Variants in ARSF observed in about 807,000 individuals in gnomAD.
The protein encoded by ARSF is arylsulfatase F.
ARSF carries 33 observed loss-of-function variants against 35.4 expected under a neutral mutation model. The ratio of observed to expected loss-of-function variants is 0.93; its 90% CI spans 0.71 to 1.25. The LOEUF (loss-of-function observed/expected upper bound fraction) is 1.25. ARSF is among the 50% of genes most tolerant of loss of function. ARSF has a pLI of 0.00. For missense variants in ARSF, 501 were observed against 480.2 expected, an observed-to-expected ratio of 1.04 and a Z score of -0.40; for synonymous variants, 222 against 193.1, an observed-to-expected ratio of 1.15 and a Z score of -1.24.
intron 1 of ARSF, among the ~76,000 whole-genome samples, chrX:3,062,629 C>T (rs1267008667): frequency 2.7e-5 from 3 of 111,446 alleles, no homozygotes; most frequent in Non-Finnish European, 3.8e-5. Context: ...GATATCACCA[C>T]CAATCCCACA....
At chrX:3,082,128 G>A (rs1338127972) in intron 5 of ARSF, among the ~76,000 whole-genome samples, 3 of 111,341 alleles carry the variant, frequency 2.7e-5, no homozygotes, top group East Asian at 5.6e-4. Context: ...GCCTCTGAGG[G>A]TTTGCTGATC....
At chrX:3,085,451 G>C (rs191167731) in intron 6 of ARSF, among the ~76,000 whole-genome samples, 1 of 108,463 alleles carries the variant, frequency 9.2e-6, no homozygotes, top group African/African-American at 3.3e-5. Flanking sequence ...AAAGCTACTT[G>C]GGGAAATTAA....
intron 1 of ARSF, among the ~76,000 whole-genome samples, chrX:3,065,980 T>G (rs2090064199): frequency 9.0e-6 from 1 of 110,834 alleles, no homozygotes; most frequent in Non-Finnish European, 1.9e-5. Context: ...GTCCCAGCTA[T>G]TCGGGAGGCT....
chrX:3,048,270 C>T (rs998190004), intron 1 of ARSF, among the ~76,000 whole-genome samples: 4 of 112,254 alleles, frequency 3.6e-5, no homozygotes, highest in Non-Finnish European at 7.5e-5. Context: ...GTCAGGCAAG[C>T]CTGCCTCCCA....
intron 5 of ARSF, among the ~76,000 whole-genome samples, chrX:3,081,960 G>A (rs925459619): frequency 2.7e-5 from 3 of 111,426 alleles, no homozygotes; most frequent in African/African-American, 9.8e-5. Flanking sequence ...GGCAATCTCC[G>A]TGGGGTTGCA....
rs59970577 is a variant in ARSF, at chrX:3,043,584, C to T, written c.-29+1921C>T. ...TTCCACTTCTGCTGCATCCTGCTTG[C>T]CTCAGAGCTTTCCCTCTTTTGAAAA... On this transcript the variant is annotated intron_variant, in intron 1 of 10. Transcript: ENST00000381127. 1.6e-3 allele frequency among the ~76,000 whole-genome samples: 174 copies of T among 111,335 alleles called. 1 individual carries two copies. The highest frequency in any genetic ancestry group is 5.0e-3 in the African/African-American group (154 of 30,672).
At chrX:3,044,112 G>A (rs905409395) in intron 1 of ARSF, among the ~76,000 whole-genome samples, 14 of 111,732 alleles carry the variant, frequency 1.3e-4, no homozygotes, top group African/African-American at 4.6e-4. Context: ...TATCTGTCAT[G>A]AGGAAGTAAT....
chrX:3,079,970 CAAAAA>C (rs1224175073), intron 4 of ARSF, among the ~76,000 whole-genome samples: 1 of 28,408 alleles, frequency 3.5e-5, no homozygotes, highest in Non-Finnish European at 5.6e-5. Context: ...ACAACAACAA[CAAAAA>C]AAAAAAAAAA....
intron 1 of ARSF, among the ~76,000 whole-genome samples, chrX:3,063,572 A>T (rs1288364793): frequency 1.8e-5 from 2 of 111,878 alleles, no homozygotes; most frequent in African/African-American, 6.5e-5. Context: ...TCTCAGCCCA[A>T]AATCTCCTTA....
intron 1 of ARSF, among the ~76,000 whole-genome samples, chrX:3,054,425 C>A (rs2090009333): frequency 9.0e-6 from 1 of 110,694 alleles, no homozygotes; most frequent in South Asian, 3.8e-4. Context: ...AAATTTGCAG[C>A]CTACAATCAG....
chrX:3,112,054 A>G, intron 10 of ARSF, 120 bp from the exon 11 acceptor site: 2 of 540,892 alleles, frequency 3.7e-6, no homozygotes, highest in Non-Finnish European at 6.0e-6. Flanking sequence ...TTAACAGGCC[A>G]CGAACAGGTA....
intron 6 of ARSF, 56 bp downstream of exon 6, chrX:3,084,722 G>T: frequency 1.9e-6 from 2 of 1,050,957 alleles, no homozygotes; most frequent in South Asian, 2.4e-5. Flanking sequence ...TTTTTTAAAA[G>T]GACCTAGATA....
At chrX:3,079,625 C>G (rs1021954467) in intron 4 of ARSF, among the ~76,000 whole-genome samples, 1 of 108,779 alleles carries the variant, frequency 9.2e-6, no homozygotes, top group Non-Finnish European at 1.9e-5. Context: ...ATTACAGGTG[C>G]GAGTCACCAC....
intron 3 of ARSF, among the ~76,000 whole-genome samples, chrX:3,075,302 G>A (rs1231832897): frequency 9.0e-6 from 1 of 111,578 alleles, no homozygotes; most frequent in Admixed American, 9.5e-5. Flanking sequence ...ACCTTGACAC[G>A]GGCAAAAAAG....
At chrX:3,047,526 C>T (rs986108273) in intron 1 of ARSF, among the ~76,000 whole-genome samples, 10 of 110,898 alleles carry the variant, frequency 9.0e-5, no homozygotes. Context: ...CATGTTTGGG[C>T]TGGTGCAGGG....
At chrX:3,093,081 G>T (rs1255227003) in intron 7 of ARSF, among the ~76,000 whole-genome samples, 9 of 110,656 alleles carry the variant, frequency 8.1e-5, no homozygotes, top group African/African-American at 3.0e-4. Flanking sequence ...CAGGAGAATG[G>T]CGTGAACCTG....
intron 7 of ARSF, among the ~76,000 whole-genome samples, chrX:3,093,169 G>T (rs566635566): frequency 1.8e-5 from 2 of 110,813 alleles, no homozygotes; most frequent in Non-Finnish European, 3.8e-5. Flanking sequence ...CGTCTCAAAA[G>T]AAAAAAAAAT....
chrX:3,060,586 T>A (rs1390723652), intron 1 of ARSF, among the ~76,000 whole-genome samples: 1 of 111,318 alleles, frequency 9.0e-6, no homozygotes, highest in Non-Finnish European at 1.9e-5. Context: ...GACGAACAGC[T>A]AACTAGAATA....
chrX:3,049,138 T>G (rs1701562264), intron 1 of ARSF, among the ~76,000 whole-genome samples: 1 of 112,720 alleles, frequency 8.9e-6, no homozygotes, highest in Non-Finnish European at 1.9e-5. Context: ...GCGCCCAATG[T>G]GGTCTGCGTA....
Sources: gnomAD v4.1 joint callset for allele counts (sites outside exome capture counted in the v4.1 genomes callset) on GRCh38, gnomAD v4.1.1 for gene constraint, MANE v1.5 for transcripts, NCBI Gene and HGNC (gene_info 2026-07-23, HGNC 2026-07-21) for gene names.